SOX5: variants seen among roughly 807,000 people sequenced by gnomAD.
The protein encoded by SOX5 is SRY-box transcription factor 5, also known as transcription factor SOX-5.
In SOX5, 9 loss-of-function variants were observed where a neutral mutation model predicts 92.0. The observed-to-expected ratio is 0.10, with a 90% confidence interval of 0.06 to 0.17. SOX5 has a LOEUF of 0.17. Ranked by LOEUF, SOX5 falls within the 10% of genes least tolerant of loss-of-function variation. The pLI is 1.00. For missense variants in SOX5, 642 were observed against 944.5 expected, an observed-to-expected ratio of 0.68 and a Z score of 4.20; for synonymous variants, 344 against 336.3, an observed-to-expected ratio of 1.02 and a Z score of -0.25.
At chr12:24,037,586 T>A (rs1956164500) in intron 4 of SOX5, among the ~76,000 whole-genome samples, 1 of 152,166 alleles carries the variant, frequency 6.6e-6, no homozygotes, top group Admixed American at 6.5e-5. Context: ...AAATATCAAA[T>A]GCACTAAGAA....
At chr12:24,366,432 T>C (rs1956179213) in intron 2 of SOX5, among the ~76,000 whole-genome samples, 1 of 152,122 alleles carries the variant, frequency 6.6e-6, no homozygotes. Flanking sequence ...CTTTTTCAGC[T>C]TGAAGCCTGA....
intron 2 of SOX5, among the ~76,000 whole-genome samples, chr12:23,884,029 G>A (rs1291701275): frequency 6.6e-6 from 1 of 151,832 alleles, no homozygotes; most frequent in Admixed American, 6.6e-5. Flanking sequence ...AAGCATTGAA[G>A]CCAGCTGACG....
At chr12:24,033,054 T>G (rs114427857) in intron 4 of SOX5, among the ~76,000 whole-genome samples, 7,847 of 151,980 alleles carry the variant, frequency 0.052, 186 homozygotes, top group Middle Eastern at 0.078. Flanking sequence ...GTCTACAGAT[T>G]TAATCAAAAT....
At chr12:24,200,259 T>C (rs1358192544) in intron 4 of SOX5, among the ~76,000 whole-genome samples, 1 of 152,198 alleles carries the variant, frequency 6.6e-6, no homozygotes, top group African/African-American at 2.4e-5. Flanking sequence ...CTCTCTGAGC[T>C]TCAGTTCCTT....
intron 3 of SOX5, among the ~76,000 whole-genome samples, chr12:23,770,056 T>G (rs540346710): frequency 2.7e-5 from 4 of 145,744 alleles, no homozygotes; most frequent in Admixed American, 6.8e-5. Flanking sequence ...CTGTTTTTTT[T>G]TTTTTTTTTT....
At chr12:24,442,537 G>C (rs1596683404) in intron 1 of SOX5, among the ~76,000 whole-genome samples, 1 of 152,174 alleles carries the variant, frequency 6.6e-6, no homozygotes, top group Non-Finnish European at 1.5e-5. Flanking sequence ...GTGCGGTTTG[G>C]GGTAGTGTCT....
chr12:24,204,609 G>A (rs12368995), intron 4 of SOX5, among the ~76,000 whole-genome samples: 3,707 of 152,182 alleles, frequency 0.024, 88 homozygotes, highest in Admixed American at 0.065. Context: ...GATTACAGGC[G>A]TGAGCTACCA....
chr12:24,424,812 G>A (rs916003344), intron 1 of SOX5, among the ~76,000 whole-genome samples: 1 of 150,714 alleles, frequency 6.6e-6, no homozygotes, highest in African/African-American at 2.4e-5. Flanking sequence ...TTTTTTTGGG[G>A]GGGGGGGATG....
At chr12:23,798,613 A>G (rs1180933676) in intron 3 of SOX5, among the ~76,000 whole-genome samples, 2 of 151,646 alleles carry the variant, frequency 1.3e-5, no homozygotes, top group Admixed American at 1.3e-4. Flanking sequence ...AAAAAAAAAA[A>G]AAACCAGTTC....
chr12:23,751,623 C>T (rs2094183294), intron 4 of SOX5, among the ~76,000 whole-genome samples: 2 of 151,876 alleles, frequency 1.3e-5, no homozygotes, highest in Admixed American at 6.6e-5. Flanking sequence ...TTCATCCACA[C>T]ACTGAATCTA....
In SOX5 at chr12:23,533,024, A is replaced by G. The variant is rs1177779433; in HGVS notation, c.*1195T>C. On this transcript the variant is annotated 3_prime_UTR_variant, in exon 15 of 15. Coordinates refer to ENST00000451604, the MANE Select transcript of SOX5 (RefSeq NM_006940.6). Reference sequence around the variant, plus strand: ...AGTAGCTTCCATGTTATACATGCACACCTCTATTACACAGGGCCACCTGAT... The same window carrying G: ...AGTAGCTTCCATGTTATACATGCACGCCTCTATTACACAGGGCCACCTGAT... The G allele has an allele frequency of 7.6e-6, 2 of 263,328 alleles. No homozygotes were observed. The highest frequency in any genetic ancestry group is 4.5e-5 in the African/African-American group (2 of 44,922). The allele number at this position is 263,328 out of a possible 1,614,324, so 16.3% of individuals were successfully genotyped here. A position where few individuals can be genotyped will look rare whatever the true frequency, so the allele number is the denominator to read the frequency against.
rs138258797 is a variant in SOX5 at position 23,650,342 on chromosome 12, A to G, written c.932-9445T>C. ...GGGACCATTTTACCACCTCCTTCCC[A>G]TGTATTATAAATGTTACAGGGTCAA... On this transcript the variant is annotated intron_variant, in intron 7 of 14. Coordinates refer to ENST00000451604, the MANE Select transcript of SOX5 (RefSeq NM_006940.6). Among the ~76,000 whole-genome samples, 24 of 152,222 alleles carry G rather than the reference A, an allele frequency of 1.6e-4. No individual in the cohort carries two copies. In the East Asian group the frequency reaches 4.4e-3, roughly 28 times the overall value.
chr12:23,756,398 T>C (rs2094380881), intron 3 of SOX5, among the ~76,000 whole-genome samples: 1 of 151,828 alleles, frequency 6.6e-6, no homozygotes, highest in African/African-American at 2.4e-5. Context: ...GCACACACAT[T>C]TTAGAAAGCA....
rs139607564 is a variant in SOX5, at chr12:23,726,493, TA to T, written c.810+8190del. 7.7e-4 allele frequency among the ~76,000 whole-genome samples: 118 copies of T among 152,314 alleles called. 1 individual carries two copies. Among genetic ancestry groups the T allele is most frequent in the African/African-American group, 2.7e-3 (111 of 41,576 alleles). On this transcript the variant is annotated intron_variant, in intron 6 of 14. Coordinates refer to ENST00000451604, the MANE Select transcript of SOX5 (RefSeq NM_006940.6). The stretch of plus-strand genomic sequence containing the variant: ...TACCACACTATTGTGTAAATTAAAG[TA>T]AAATAAAAAGTGGTTCATTTTGGAC...
chr12:23,641,112 C>G (rs2138732035), intron 7 of SOX5, among the ~76,000 whole-genome samples: 1 of 152,214 alleles, frequency 6.6e-6, no homozygotes, highest in Non-Finnish European at 1.5e-5. Flanking sequence ...AGGCGGAAAC[C>G]TCATCCTTTT....
At chr12:24,098,017 A>G (rs1945635255) in intron 4 of SOX5, among the ~76,000 whole-genome samples, 1 of 152,114 alleles carries the variant, frequency 6.6e-6, no homozygotes, top group Non-Finnish European at 1.5e-5. Context: ...TTCCTACTTT[A>G]CCAACTTATT....
At chr12:23,771,187 CAAAAA>C (rs376988688) in intron 3 of SOX5, among the ~76,000 whole-genome samples, 1 of 108,612 alleles carries the variant, frequency 9.2e-6, no homozygotes, top group African/African-American at 4.1e-5. Context: ...AAAAATGGAG[CAAAAA>C]AAAAAAAAAA....
At chr12:24,475,965 G>A (rs1236764079) in intron 1 of SOX5, among the ~76,000 whole-genome samples, 2 of 147,308 alleles carry the variant, frequency 1.4e-5, no homozygotes, top group Non-Finnish European at 3.0e-5. Flanking sequence ...CTGGATGACA[G>A]AGCAAGACCC....
intron 2 of SOX5, among the ~76,000 whole-genome samples, chr12:23,881,896 T>A (rs1040779552): frequency 2.0e-5 from 3 of 152,116 alleles, no homozygotes; most frequent in Non-Finnish European, 4.4e-5. Context: ...TGTCTATCTA[T>A]GTAAAACAAA....
Sources: allele counts gnomAD v4.1 joint callset (sites outside exome capture counted in the v4.1 genomes callset), GRCh38; gene constraint gnomAD v4.1.1; transcripts MANE v1.5; gene names NCBI Gene and HGNC (gene_info 2026-07-23, HGNC 2026-07-21).